The following TRAPPC9 variants were observed in gnomAD, a reference collection of about 807,000 sequenced individuals.
TRAPPC9 encodes the protein IKK2 binding protein.
In TRAPPC9, 83 loss-of-function variants were observed where a neutral mutation model predicts 124.0. The observed-to-expected ratio is 0.67, with a 90% CI of 0.56 to 0.80. The LOEUF (loss-of-function observed/expected upper bound fraction) is 0.80, where lower values mean the gene tolerates loss of function less well. TRAPPC9 is among the 30% of genes least tolerant of loss of function. The pLI is 0.00. For synonymous variants in TRAPPC9, 638 were observed against 617.5 expected, an observed-to-expected ratio of 1.03 and a Z score of -0.49; for missense variants, 1,302 against 1,508.3, an observed-to-expected ratio of 0.86 and a Z score of 2.27.
At chr8:139,953,963 G>A (rs751369211) in intron 19 of TRAPPC9, among the ~76,000 whole-genome samples, 4 of 152,194 alleles carry the variant, frequency 2.6e-5, no homozygotes, top group Non-Finnish European at 5.9e-5. Flanking sequence ...GAGAACCACT[G>A]ATACACTGAA....
chr8:139,989,394 C>A (rs894475681), intron 18 of TRAPPC9, among the ~76,000 whole-genome samples: 20 of 152,228 alleles, frequency 1.3e-4, no homozygotes, highest in Non-Finnish European at 2.5e-4. Context: ...CTACTCATCA[C>A]CCTCCGAAGC....
Position 140,275,689 on chromosome 8 carries a change from C to T in TRAPPC9, c.2247G>A (p.Leu749=). ...ENIGMEPLEK[L]EVTSKVLTTK... ...TGGTGAGAACTTTCGAGGTGACCTC[C>T]AGTTTCTCCAATGGTTCCATTCCAA... is the stretch of plus-strand genomic sequence containing the variant. Residue 749 remains leucine (L), a synonymous_variant, in exon 15 of 23, where the codon CTG becomes CTA. Transcript: ENST00000438773. 6.2e-7 allele frequency: 1 copy of T among 1,614,194 alleles called. No individual in the cohort carries two copies.
intron 19 of TRAPPC9, among the ~76,000 whole-genome samples, chr8:139,980,069 C>T (rs867420777): frequency 1.3e-5 from 2 of 152,078 alleles, no homozygotes; most frequent in Non-Finnish European, 2.9e-5. Context: ...GACATCGCAC[C>T]TCACTTCCAA....
chr8:139,839,049 G>C (rs780416209), intron 21 of TRAPPC9, among the ~76,000 whole-genome samples: 1 of 152,198 alleles, frequency 6.6e-6, no homozygotes. Flanking sequence ...CCTGAATAAC[G>C]CCAGACGGTA....
intron 14 of TRAPPC9, among the ~76,000 whole-genome samples, chr8:140,278,110 A>AT (rs35597120): frequency 0.4 from 58,561 of 147,726 alleles, 12,056 homozygotes; most frequent in Middle Eastern, 0.5. Flanking sequence ...ACAGGGACAA[A>AT]TTTTTTTTTT....
chr8:139,848,028 C>T (rs80200326), intron 21 of TRAPPC9, among the ~76,000 whole-genome samples: 5,237 of 152,332 alleles, frequency 0.034, 197 homozygotes, highest in East Asian at 0.12. Flanking sequence ...GCCCCTCACG[C>T]AGGGCCTGTC....
At chr8:140,112,344 AC>A (rs1442414109) in intron 17 of TRAPPC9, among the ~76,000 whole-genome samples, 1 of 146,718 alleles carries the variant, frequency 6.8e-6, no homozygotes, top group East Asian at 2.0e-4. Flanking sequence ...CGATGGTGGG[AC>A]AGGTGCGAGG....
intron 21 of TRAPPC9, among the ~76,000 whole-genome samples, chr8:139,883,206 G>C (rs191214367): frequency 6.4e-4 from 98 of 152,306 alleles, no homozygotes; most frequent in African/African-American, 2.1e-3. Flanking sequence ...CAGCTCCCTC[G>C]CCATGTGATG....
At chr8:140,162,299 T>C (rs936229911) in intron 17 of TRAPPC9, among the ~76,000 whole-genome samples, 2 of 152,170 alleles carry the variant, frequency 1.3e-5, no homozygotes, top group African/African-American at 2.4e-5. Context: ...CCGGCCCTAC[T>C]GAACTGCTCG....
At chr8:139,881,742 C>G (rs1396280127) in intron 21 of TRAPPC9, among the ~76,000 whole-genome samples, 2 of 152,142 alleles carry the variant, frequency 1.3e-5, no homozygotes, top group Non-Finnish European at 2.9e-5. Flanking sequence ...GCAAACGAGA[C>G]CTTAAAACCA....
chr8:140,119,043 G>C (rs1031162002), intron 17 of TRAPPC9, among the ~76,000 whole-genome samples: 1 of 152,244 alleles, frequency 6.6e-6, no homozygotes, highest in Non-Finnish European at 1.5e-5. Context: ...CTAATGTCAG[G>C]CCAAGGCCAT....
At chr8:140,348,147 G>A (rs1187334337) in intron 9 of TRAPPC9, among the ~76,000 whole-genome samples, 2 of 152,226 alleles carry the variant, frequency 1.3e-5, no homozygotes, top group African/African-American at 4.8e-5. Context: ...GGGTCCTGCT[G>A]TTCTGCCACT....
chr8:140,154,279 T>C (rs1193164011), intron 17 of TRAPPC9, among the ~76,000 whole-genome samples: 1 of 152,188 alleles, frequency 6.6e-6, no homozygotes, highest in Non-Finnish European at 1.5e-5. Context: ...TCTTCCCAAG[T>C]GTCTCTGAAA....
chr8:140,165,793 G>A (rs951805906), intron 17 of TRAPPC9, among the ~76,000 whole-genome samples: 15 of 152,030 alleles, frequency 9.9e-5, no homozygotes, highest in African/African-American at 3.1e-4. Context: ...CAACCTGCCC[G>A]GAGCCCAGGT....
chr8:140,446,648 G>A (rs2071271233), intron 2 of TRAPPC9, among the ~76,000 whole-genome samples: 1 of 152,118 alleles, frequency 6.6e-6, no homozygotes, highest in African/African-American at 2.4e-5. Context: ...CTGCCTCCCA[G>A]ATTCAAGTAA....
At chr8:140,291,171 T>C in intron 11 of TRAPPC9, 93 bp from the exon 12 acceptor site, 1 of 1,156,042 alleles carries the variant, frequency 8.7e-7, no homozygotes. Flanking sequence ...GCAATTTACA[T>C]TCTCAGTGAG....
intron 21 of TRAPPC9, among the ~76,000 whole-genome samples, chr8:139,786,604 A>G (rs887780272): frequency 6.6e-5 from 10 of 152,356 alleles, no homozygotes; most frequent in African/African-American, 2.4e-4. Flanking sequence ...AAAGTCTTTT[A>G]CACAAATGGT....
At chr8:139,883,929 G>A (rs1054681403) in intron 21 of TRAPPC9, among the ~76,000 whole-genome samples, 3 of 152,150 alleles carry the variant, frequency 2.0e-5, no homozygotes, top group African/African-American at 7.2e-5. Flanking sequence ...TGAGGAGTGC[G>A]TGGCAGCTCT....
Position 140,051,024 on chromosome 8 carries a change from T to C in TRAPPC9, c.2557-26945A>G, listed in dbSNP as rs534119905. Among the ~76,000 whole-genome samples the C allele has an allele frequency of 5.9e-5, 9 of 152,314 alleles. No homozygotes were observed. The South Asian group carries it at 1.9e-3, about 32-fold the overall frequency. On this transcript the variant is annotated intron_variant, in intron 17 of 22. Transcript: ENST00000438773. ...CTTCAACTGCCATTAAGACACAATCTCGTACAGAGAGGGTTTGTGGCCATT... is the reference window on the plus strand; with the variant it reads ...CTTCAACTGCCATTAAGACACAATCCCGTACAGAGAGGGTTTGTGGCCATT...
Sources: gnomAD v4.1 joint callset for allele counts (sites outside exome capture counted in the v4.1 genomes callset) on GRCh38, gnomAD v4.1.1 for gene constraint, MANE v1.5 for transcripts, NCBI Gene and HGNC (gene_info 2026-07-23, HGNC 2026-07-21) for gene names.